The following GALNT18 variants were observed in gnomAD, a reference collection of about 807,000 sequenced individuals.
GALNT18 encodes the protein polypeptide N-acetylgalactosaminyltransferase 18, also known as GalNAc-transferase 18.
GALNT18 carries 44 observed loss-of-function variants against 69.5 expected under a neutral mutation model. The ratio of observed to expected loss-of-function variants is 0.63; its 90% CI spans 0.50 to 0.81. GALNT18 has a LOEUF of 0.81. Ranked by LOEUF, GALNT18 falls within the 40% of genes least tolerant of loss-of-function variation. The pLI is 0.00. For synonymous variants in GALNT18, 364 were observed against 318.2 expected (o/e 1.14, Z -1.53); for missense variants, 715 against 810.0 (o/e 0.88, Z 1.42).
chr11:11,580,114 G>A (rs1859040257), intron 1 of GALNT18, among the ~76,000 whole-genome samples: 1 of 152,214 alleles, frequency 6.6e-6, no homozygotes, highest in Non-Finnish European at 1.5e-5. Context: ...CTGTGAAACA[G>A]ACTCTCTTTC....
intron 6 of GALNT18, among the ~76,000 whole-genome samples, chr11:11,358,679 T>A (rs1398939813): frequency 2.1e-5 from 3 of 139,690 alleles, no homozygotes; most frequent in Non-Finnish European, 3.2e-5. Flanking sequence ...GAAGACCACA[T>A]AGAAAAACAC....
In GALNT18 at chr11:11,413,470, C is replaced by T. The variant is rs538825900; in HGVS notation, c.595+19151G>A. Reference sequence around the variant, plus strand: ...GGACGATTCCTTATTCACGTTCATTCTTCTCCAGCTCCCTCAGGCCCCTTA... The same window carrying T: ...GGACGATTCCTTATTCACGTTCATTTTTCTCCAGCTCCCTCAGGCCCCTTA... On this transcript the variant is annotated intron_variant, in intron 3 of 10. Transcript: ENST00000227756. This position sits in a 1 kb window ranked among gnomAD's most constrained non-coding sequence, Gnocchi z 4.7. Among the ~76,000 whole-genome samples the T allele has an allele frequency of 5.9e-5, 9 of 152,320 alleles. No homozygotes were observed. The South Asian group carries it at 1.7e-3, about 28-fold the overall frequency.
chr11:11,565,750 T>C (rs748163025), intron 1 of GALNT18, among the ~76,000 whole-genome samples: 11 of 152,206 alleles, frequency 7.2e-5, no homozygotes, highest in Non-Finnish European at 1.2e-4. Flanking sequence ...TCAATGCACT[T>C]GTGTGGTCAG....
intron 1 of GALNT18, among the ~76,000 whole-genome samples, chr11:11,508,719 CT>C (rs1250499127): frequency 3.9e-5 from 6 of 152,170 alleles, no homozygotes; most frequent in African/African-American, 1.4e-4. Context: ...ATAATGAAGC[CT>C]TTGGCACTTT....
At position 11,454,961 on chromosome 11, in the gene GALNT18, C is replaced by A. The variant is rs1365898156; in HGVS notation, c.236-6025G>T. 1.3e-5 allele frequency among the ~76,000 whole-genome samples: 2 copies of A among 152,208 alleles called. No individual in the cohort carries two copies. Among genetic ancestry groups the A allele is most frequent in the African/African-American group, 4.8e-5 (2 of 41,458 alleles). On this transcript the variant is annotated intron_variant, in intron 1 of 10. Transcript: ENST00000227756. This position sits in a 1 kb window ranked among gnomAD's most constrained non-coding sequence, Gnocchi z 4.2. ...GACATTTCTGACATTAACAGGCAAA[C>A]AGGCTGACTCCTTCCTCATTGTTGA...
intron 1 of GALNT18, among the ~76,000 whole-genome samples, chr11:11,518,863 G>A (rs935661806): frequency 3.3e-5 from 5 of 152,200 alleles, no homozygotes; most frequent in African/African-American, 1.2e-4. Context: ...CAGGGCCATG[G>A]TCCTCAGAAC....
rs554363687 is a variant in GALNT18, at chr11:11,315,520, G to A, written c.1512+11566C>T. Among the ~76,000 whole-genome samples, 7 of 152,250 alleles carry A rather than the reference G, an allele frequency of 4.6e-5. No homozygotes were observed. Among genetic ancestry groups the A allele is most frequent in the South Asian group, 2.1e-4 (1 of 4,816 alleles). On this transcript the variant is annotated intron_variant, in intron 9 of 10. Coordinates refer to ENST00000227756, the MANE Select transcript of GALNT18 (RefSeq NM_198516.3). The surrounding 1 kb of genome is among the most constrained non-coding windows in gnomAD (Gnocchi z 5.6). ...CAGAGACTCTGGAGTGGGGATAACC[G>A]CAGGTTTTCAGCCCAACTCTTAGCC...
intron 1 of GALNT18, among the ~76,000 whole-genome samples, chr11:11,550,448 G>A (rs976034559): frequency 1.6e-4 from 24 of 152,224 alleles, no homozygotes; most frequent in Non-Finnish European, 3.2e-4. Flanking sequence ...GTGAGGCCCA[G>A]AACTGTGTAA....
At chr11:11,545,375 G>T (rs1191145472) in intron 1 of GALNT18, among the ~76,000 whole-genome samples, 1 of 152,224 alleles carries the variant, frequency 6.6e-6, no homozygotes, top group South Asian at 2.1e-4. Flanking sequence ...AGGAAAGAGG[G>T]CTTCCTTCTC....
chr11:11,411,188 C>T (rs772304637), intron 3 of GALNT18, among the ~76,000 whole-genome samples: 1 of 152,182 alleles, frequency 6.6e-6, no homozygotes, highest in Non-Finnish European at 1.5e-5. Flanking sequence ...GTGGTGCATG[C>T]CTGCAATCCC....
chr11:11,397,319 CAA>C (rs2133728883), intron 3 of GALNT18, among the ~76,000 whole-genome samples: 1 of 152,210 alleles, frequency 6.6e-6, no homozygotes, highest in African/African-American at 2.4e-5. Context: ...AGACAGATAT[CAA>C]AGAGTGTATG....
At position 11,543,654 on chromosome 11, in the gene GALNT18, C is replaced by G. The variant is rs1411755406; in HGVS notation, c.235+77705G>C. ...AGCACATCAGAGCCTCTGTTCCTCC[C>G]CTCGCCACCCACTGACCTGATGCGA... On this transcript the variant is annotated intron_variant, in intron 1 of 10. Coordinates refer to ENST00000227756, the MANE Select transcript of GALNT18 (RefSeq NM_198516.3). This position sits in a 1 kb window ranked among gnomAD's most constrained non-coding sequence, Gnocchi z 5.1. Among the ~76,000 whole-genome samples, 1 of 152,234 alleles carries G rather than the reference C, an allele frequency of 6.6e-6. No homozygotes were observed. The highest frequency in any genetic ancestry group is 6.5e-5 in the Admixed American group (1 of 15,294).
rs903826116 is a variant in GALNT18, at chr11:11,606,815, C to A, written c.235+14544G>T. 7.2e-5 allele frequency among the ~76,000 whole-genome samples: 11 copies of A among 152,262 alleles called. No homozygotes were observed. Among genetic ancestry groups the A allele is most frequent in the African/African-American group, 2.6e-4 (11 of 41,548 alleles). On this transcript the variant is annotated intron_variant, in intron 1 of 10. Coordinates refer to ENST00000227756, the MANE Select transcript of GALNT18 (RefSeq NM_198516.3). This position sits in a 1 kb window ranked among gnomAD's most constrained non-coding sequence, Gnocchi z 5.4. The stretch of plus-strand genomic sequence containing the variant: ...AGACTTCAAATCAGGATCCCTAGAC[C>A]CTATCCAGGGCCTCCAGGACCCAGT...
intron 2 of GALNT18, among the ~76,000 whole-genome samples, chr11:11,445,192 T>A (rs901797451): frequency 6.6e-6 from 1 of 152,202 alleles, no homozygotes; most frequent in South Asian, 2.1e-4. Context: ...AGTGGTTACA[T>A]GCACAAATTC....
intron 10 of GALNT18, among the ~76,000 whole-genome samples, chr11:11,277,836 TCTAATTTGATTGCACTGTGGTCTGAGAGA>T (rs1315245135): frequency 1.3e-5 from 2 of 152,214 alleles, no homozygotes; most frequent in African/African-American, 4.8e-5. Flanking sequence ...AATCCTGAGT[TCTAATTTGATTGCACTGTGGTCTGAGAGA>T]CTGTTTGCTA....
At chr11:11,394,559 C>A (rs1201447200) in intron 3 of GALNT18, among the ~76,000 whole-genome samples, 1 of 152,216 alleles carries the variant, frequency 6.6e-6, no homozygotes. Context: ...TCTACTGTAG[C>A]AGCAGAAGGA....
At chr11:11,506,659 C>T (rs529966308) in intron 1 of GALNT18, among the ~76,000 whole-genome samples, 11 of 152,228 alleles carry the variant, frequency 7.2e-5, no homozygotes, top group African/African-American at 2.6e-4. Flanking sequence ...TTTAAAAGGA[C>T]TATGAGAAAG....
At position 11,389,906 on chromosome 11, in the gene GALNT18, G is replaced by T. The variant is rs534387425; in HGVS notation, c.596-10642C>A. On this transcript the variant is annotated intron_variant, in intron 3 of 10. Transcript: ENST00000227756. The surrounding 1 kb of genome is among the most constrained non-coding windows in gnomAD (Gnocchi z 4.3). ...GCCAGAGGCCAACTTGAATTTTGGT[G>T]CTGGCTTCTCCTTTTTTGCAAGGCT... 7.9e-5 allele frequency among the ~76,000 whole-genome samples: 12 copies of T among 152,230 alleles called. No homozygotes were observed. In the South Asian group the frequency reaches 2.1e-3, roughly 26 times the overall value.
intron 1 of GALNT18, among the ~76,000 whole-genome samples, chr11:11,482,405 G>A (rs916526913): frequency 9.9e-5 from 15 of 152,266 alleles, no homozygotes; most frequent in African/African-American, 3.4e-4. Flanking sequence ...GAAGGCAAGG[G>A]AATGAGGCCT....
Sources: allele counts gnomAD v4.1 joint callset (sites outside exome capture counted in the v4.1 genomes callset), GRCh38; gene constraint gnomAD v4.1.1; non-coding constraint Gnocchi (gnomAD v3.1); transcripts MANE v1.5; gene names NCBI Gene and HGNC (gene_info 2026-07-23, HGNC 2026-07-21).